Variants in HACD3 observed in about 807,000 individuals in gnomAD.
HACD3 encodes very-long-chain (3R)-3-hydroxyacyl-CoA dehydratase 3.
Under a neutral mutation model 55.2 loss-of-function variants are expected in HACD3, and 30 were observed. The observed-to-expected ratio is 0.54, with a 90% confidence interval of 0.41 to 0.74. The LOEUF is 0.74. HACD3 is among the 30% of genes least tolerant of loss of function. The pLI, the probability that HACD3 is intolerant of heterozygous loss-of-function variation, is 0.00. For synonymous variants in HACD3, 141 were observed against 151.7 expected, an observed-to-expected ratio of 0.93 and a Z score of 0.52; for missense variants, 363 against 440.1, an observed-to-expected ratio of 0.82 and a Z score of 1.57.
At chr15:65,566,215 C>T (rs1477730045) in intron 7 of HACD3, 1 of 152,442 alleles carries the variant, frequency 6.6e-6, no homozygotes, top group Non-Finnish European at 1.5e-5. Context: ...TTCCTATCTT[C>T]TTCTGAGCCC....
chr15:65,545,754 T>A (rs2072070679), intron 1 of HACD3, among the ~76,000 whole-genome samples: 2 of 32,238 alleles, frequency 6.2e-5, no homozygotes, highest in African/African-American at 1.0e-4. Flanking sequence ...CGTGGCCGAT[T>A]CTGGATTTTT....
intron 7 of HACD3, among the ~76,000 whole-genome samples, chr15:65,569,284 G>A (rs902134706): frequency 1.3e-5 from 2 of 151,150 alleles, no homozygotes; most frequent in East Asian, 3.9e-4. Flanking sequence ...ACATAGATGA[G>A]TCTCTGGCCC....
intron 1 of HACD3, among the ~76,000 whole-genome samples, chr15:65,545,530 G>A (rs1255901325): frequency 2.7e-5 from 4 of 149,792 alleles, no homozygotes; most frequent in Non-Finnish European, 4.4e-5. Context: ...TGGAAGCTCC[G>A]CCTCCCGGGT....
At chr15:65,547,681 C>T (rs2072090757) in intron 1 of HACD3, among the ~76,000 whole-genome samples, 1 of 152,214 alleles carries the variant, frequency 6.6e-6, no homozygotes, top group Admixed American at 6.5e-5. Flanking sequence ...CTTCTGCACA[C>T]ATACTAATCA....
At chr15:65,531,599 C>T (rs533087837) in intron 1 of HACD3, among the ~76,000 whole-genome samples, 2 of 151,758 alleles carry the variant, frequency 1.3e-5, no homozygotes, top group East Asian at 3.9e-4. Flanking sequence ...GTGTTTCGCT[C>T]TTGTCGCCCA....
chr15:65,547,561 A>G (rs1325937630), intron 1 of HACD3, among the ~76,000 whole-genome samples: 1 of 152,202 alleles, frequency 6.6e-6, no homozygotes, highest in Non-Finnish European at 1.5e-5. Flanking sequence ...GACCACCCTT[A>G]TTAGTTAGGT....
chr15:65,553,250 C>T (rs969748445), intron 2 of HACD3: 2 of 151,820 alleles, frequency 1.3e-5, no homozygotes, highest in South Asian at 2.1e-4. Context: ...TCTCACTATT[C>T]CTAAGAAATT....
chr15:65,549,469 G>A (rs138063761), intron 1 of HACD3, among the ~76,000 whole-genome samples: 2,888 of 149,756 alleles, frequency 0.019, 87 homozygotes, highest in African/African-American at 0.064. Flanking sequence ...GTGTGGTGGC[G>A]CACACCTGTA....
chr15:65,575,524 T>C (rs2141228765), intron 10 of HACD3, among the ~76,000 whole-genome samples: 3 of 152,228 alleles, frequency 2.0e-5, no homozygotes, highest in Admixed American at 2.0e-4. Context: ...AATTAGGTTG[T>C]TTCTGCACTT....
chr15:65,550,564 C>G (rs1184786923), intron 1 of HACD3, among the ~76,000 whole-genome samples: 2 of 152,202 alleles, frequency 1.3e-5, no homozygotes, highest in Admixed American at 6.5e-5. Flanking sequence ...CCTGGAAGTT[C>G]TACCAAGCAT....
In HACD3 at chr15:65,572,325, T is replaced by G. The variant is rs1172761352; in HGVS notation, c.971T>G (p.Phe324Cys). Residue 324 changes from phenylalanine (F) to cysteine (C), a missense_variant, in exon 10 of 11, where the codon TTT becomes TGT. By Grantham distance (205) the Phe-to-Cys change is radical. Transcript: ENST00000261875. ...TATCCAGTGAAAATCAAAGTTAGATTTTCCTTTTTTCTTCAGATTTATCTT... is the reference window on the plus strand; with the variant it reads ...TATCCAGTGAAAATCAAAGTTAGATGTTCCTTTTTTCTTCAGATTTATCTT... ...LPYPVKIKVR[F>C]SFFLQIYLIM... The G allele has an allele frequency of 1.9e-6, 3 of 1,612,740 alleles. No homozygotes were observed. Among genetic ancestry groups the G allele is most frequent in the Non-Finnish European group, 8.5e-7 (1 of 1,179,662 alleles).
intron 7 of HACD3, 118 bp from the exon 8 acceptor site, chr15:65,569,973 C>T (rs990469454): frequency 8.0e-6 from 5 of 624,784 alleles, no homozygotes; most frequent in African/African-American, 5.6e-5. Context: ...TTAAACTGGT[C>T]GAGGTCAATC....
Position 65,530,527 on chromosome 15 carries a change from G to A in HACD3, c.-105G>A. 9.6e-7 allele frequency: 1 copy of A among 1,036,986 alleles called. No homozygotes were observed. The highest frequency in any genetic ancestry group is 1.4e-6 in the Non-Finnish European group (1 of 730,952). 64.2% of individuals were successfully genotyped at this position (1,036,986 alleles called of 1,614,324 possible). ...GAGGTGCCGGGTTGCAGGCGCTCAG[G>A]AGCGCTAGGGTTTGAGGCCTGCTTT... On this transcript the variant is annotated 5_prime_UTR_variant, in exon 1 of 11. Coordinates refer to ENST00000261875, the MANE Select transcript of HACD3 (RefSeq NM_016395.4).
chr15:65,562,756 C>T lies in HACD3; in HGVS notation c.422-18C>T, dbSNP rs765478712. The T allele has an allele frequency of 5.0e-6, 8 of 1,611,664 alleles. No individual in the cohort carries two copies. The African/African-American group carries it at 1.1e-4, about 22-fold the overall frequency. Reference sequence around the variant, plus strand: ...GACTATTGCTTTTAATAGCTTACTGCTTTGCTTTGCTTTACAGCTCTTACA... The same window carrying T: ...GACTATTGCTTTTAATAGCTTACTGTTTTGCTTTGCTTTACAGCTCTTACA... On this transcript the variant is annotated intron_variant, in intron 5 of 10. Transcript: ENST00000261875.
At chr15:65,554,492 C>T (rs1336408247) in intron 2 of HACD3, among the ~76,000 whole-genome samples, 1 of 152,096 alleles carries the variant, frequency 6.6e-6, no homozygotes, top group East Asian at 1.9e-4. Context: ...GTATGATATT[C>T]GTGCCAGGTA....
rs1249057700 is a variant in HACD3 at position 65,557,772 on chromosome 15, G to A, written c.369+869G>A. ...TTATTCAATCATTTATATCATGTGA[G>A]TACATGGGTATTTATTTTATACTTT... On this transcript the variant is annotated intron_variant, in intron 4 of 10. Coordinates refer to ENST00000261875, the MANE Select transcript of HACD3 (RefSeq NM_016395.4). Among the ~76,000 whole-genome samples the A allele has an allele frequency of 2.0e-5, 3 of 152,062 alleles. No homozygotes were observed. The East Asian group carries it at 5.8e-4, about 29-fold the overall frequency.
chr15:65,536,776 A>G (rs1027583677), intron 1 of HACD3, among the ~76,000 whole-genome samples: 2 of 152,134 alleles, frequency 1.3e-5, no homozygotes, highest in Non-Finnish European at 2.9e-5. Context: ...AACAAGCCCT[A>G]CAGTGGCTTC....
intron 5 of HACD3, among the ~76,000 whole-genome samples, chr15:65,559,161 A>T (rs2072222023): frequency 6.6e-6 from 1 of 152,240 alleles, no homozygotes; most frequent in Non-Finnish European, 1.5e-5. Flanking sequence ...TATTCTGTGT[A>T]GTCCTGCTAT....
At chr15:65,539,254 G>A (rs528291857) in intron 1 of HACD3, among the ~76,000 whole-genome samples, 11 of 117,722 alleles carry the variant, frequency 9.3e-5, no homozygotes, top group African/African-American at 3.3e-4. Context: ...GAGTCTCACC[G>A]TGTCACCCCA....
Sources: allele counts gnomAD v4.1 joint callset (sites outside exome capture counted in the v4.1 genomes callset), GRCh38; gene constraint gnomAD v4.1.1; transcripts MANE v1.5; gene names NCBI Gene and HGNC (gene_info 2026-07-23, HGNC 2026-07-21).